The following STK39 variants were observed in gnomAD, a reference collection of about 807,000 sequenced individuals.
The protein encoded by STK39 is serine/threonine kinase 39, also known as STE20/SPS1-related proline-alanine-rich protein kinase.
A neutral mutation model predicts 77.8 loss-of-function variants in STK39; 20 were observed. The ratio of observed to expected loss-of-function variants is 0.26; its 90% CI spans 0.18 to 0.37. The LOEUF (loss-of-function observed/expected upper bound fraction) is 0.37, where lower values mean the gene tolerates loss of function less well. STK39 is among the 10% of genes least tolerant of loss of function. STK39 has a pLI of 1.00. For missense variants in STK39, 479 were observed against 656.5 expected, an observed-to-expected ratio of 0.73 and a Z score of 2.95; for synonymous variants, 246 against 234.1, an observed-to-expected ratio of 1.05 and a Z score of -0.47.
intron 14 of STK39, among the ~76,000 whole-genome samples, chr2:168,027,413 T>G (rs1684727067): frequency 6.6e-6 from 1 of 152,122 alleles, no homozygotes; most frequent in South Asian, 2.1e-4. Context: ...CGTGCAGAAA[T>G]ATGCCCCTGG....
intron 16 of STK39, among the ~76,000 whole-genome samples, chr2:168,000,277 T>C (rs1341096214): frequency 1.3e-5 from 2 of 152,202 alleles, no homozygotes; most frequent in East Asian, 3.8e-4. Context: ...AAGTTCATCA[T>C]GAAAAAAATA....
chr2:168,215,856 A>G (rs901284586), intron 1 of STK39, among the ~76,000 whole-genome samples: 2 of 152,168 alleles, frequency 1.3e-5, no homozygotes, highest in African/African-American at 4.8e-5. Flanking sequence ...ACCATGGACC[A>G]TGGTACTGGG....
At chr2:167,957,264 C>T (rs908438256) in intron 17 of STK39, among the ~76,000 whole-genome samples, 2 of 152,094 alleles carry the variant, frequency 1.3e-5, no homozygotes, top group Non-Finnish European at 2.9e-5. Context: ...TTACTTTGTA[C>T]CTATCCAGTG....
At chr2:168,197,448 A>G (rs1017773693) in intron 1 of STK39, among the ~76,000 whole-genome samples, 4 of 152,208 alleles carry the variant, frequency 2.6e-5, no homozygotes, top group African/African-American at 9.7e-5. Flanking sequence ...GGGCTGCCAC[A>G]TATTGTTCAA....
At chr2:167,996,227 A>T (rs1247281121) in intron 16 of STK39, among the ~76,000 whole-genome samples, 1 of 152,240 alleles carries the variant, frequency 6.6e-6, no homozygotes. Context: ...AAGAACATTT[A>T]AAAAATCCTA....
In STK39 at chr2:168,220,052, A is replaced by G. The variant is rs144913603; in HGVS notation, c.208+27176T>C. On this transcript the variant is annotated intron_variant, in intron 1 of 17. Transcript: ENST00000355999. ...GAGTATTTGAATAATGATGATAATC[A>G]AAGTTGTTCTTTAACAAATTTTAAT... 2.3e-4 allele frequency among the ~76,000 whole-genome samples: 35 copies of G among 152,286 alleles called. No individual in the cohort carries two copies. The East Asian group carries it at 5.0e-3, about 22-fold the overall frequency.
At chr2:168,235,241 T>A (rs986830191) in intron 1 of STK39, among the ~76,000 whole-genome samples, 87 of 152,038 alleles carry the variant, frequency 5.7e-4, no homozygotes, top group Non-Finnish European at 1.5e-5. Flanking sequence ...GGTTTCACCA[T>A]ATTGGCAAGG....
In STK39 at chr2:168,193,147, A is replaced by T. The variant is rs571351697; in HGVS notation, c.209-11057T>A. On this transcript the variant is annotated intron_variant, in intron 1 of 17. Transcript: ENST00000355999. ...TCACAGACACAGGAAAAGAAAATCC[A>T]TTCACTTTAATGCCACCTCTCCATC... Among the ~76,000 whole-genome samples the T allele has an allele frequency of 5.4e-4, 82 of 152,296 alleles. 1 individual carries two copies. The highest frequency in any genetic ancestry group is 1.7e-3 in the African/African-American group (72 of 41,568).
At chr2:168,031,029 GA>G (rs1166079351) in intron 14 of STK39, among the ~76,000 whole-genome samples, 1 of 152,098 alleles carries the variant, frequency 6.6e-6, no homozygotes, top group African/African-American at 2.4e-5. Flanking sequence ...CAAAAAGAAA[GA>G]AAAAATGCAT....
chr2:168,065,172 G>C (rs1685761789), intron 13 of STK39, 147 bp downstream of exon 13: 1 of 751,796 alleles, frequency 1.3e-6, no homozygotes, highest in Admixed American at 2.5e-5. Flanking sequence ...ACAAAGCACA[G>C]TCAATAGCAA....
intron 5 of STK39, among the ~76,000 whole-genome samples, chr2:168,156,929 C>CA (rs1449412224): frequency 1.3e-5 from 2 of 152,122 alleles, no homozygotes; most frequent in East Asian, 3.9e-4. Flanking sequence ...CCCTACAACA[C>CA]AAAAAATAAC....
In STK39 at chr2:168,068,057, C is replaced by T. The variant is rs151072588; in HGVS notation, c.1243-2676G>A. On this transcript the variant is annotated intron_variant, in intron 12 of 17. Coordinates refer to ENST00000355999, the MANE Select transcript of STK39 (RefSeq NM_013233.3). The stretch of plus-strand genomic sequence containing the variant: ...ACTGCCCTTTATAAAACCATCAGAT[C>T]TCATGAGACTTATACACTATTACGA... Among the ~76,000 whole-genome samples the T allele has an allele frequency of 8.7e-3, 1,322 of 152,236 alleles. 20 individuals carry two copies. Among genetic ancestry groups the T allele is most frequent in the African/African-American group, 0.03 (1,263 of 41,528 alleles).
At chr2:168,152,503 C>T (rs895906238) in intron 5 of STK39, among the ~76,000 whole-genome samples, 1 of 152,130 alleles carries the variant, frequency 6.6e-6, no homozygotes, top group African/African-American at 2.4e-5. Flanking sequence ...GCTCCTCAAC[C>T]GTCAAAAGGC....
At chr2:168,056,850 C>G (rs1270578576) in intron 14 of STK39, among the ~76,000 whole-genome samples, 1 of 152,138 alleles carries the variant, frequency 6.6e-6, no homozygotes, top group Non-Finnish European at 1.5e-5. Context: ...CCCTATCACA[C>G]AGGATGGTTT....
chr2:168,051,071 T>C (rs1442570848), intron 14 of STK39, among the ~76,000 whole-genome samples: 1 of 152,192 alleles, frequency 6.6e-6, no homozygotes, highest in Non-Finnish European at 1.5e-5. Flanking sequence ...AAGGAAGAAA[T>C]CTTACCACTC....
intron 10 of STK39, among the ~76,000 whole-genome samples, chr2:168,075,960 A>T (rs1032065954): frequency 2.0e-5 from 3 of 152,218 alleles, no homozygotes; most frequent in African/African-American, 7.2e-5. Flanking sequence ...TAGAGATGTA[A>T]TCCATAGGGC....
At chr2:168,136,512 A>C (rs185030143) in intron 8 of STK39, among the ~76,000 whole-genome samples, 6 of 152,224 alleles carry the variant, frequency 3.9e-5, no homozygotes, top group Admixed American at 3.9e-4. Context: ...TCTACCCTAC[A>C]GAACAATTTT....
At chr2:168,193,824 G>A (rs962373721) in intron 1 of STK39, among the ~76,000 whole-genome samples, 12 of 152,228 alleles carry the variant, frequency 7.9e-5, no homozygotes. Context: ...GCTCCCAGGT[G>A]ATGTGATGCT....
chr2:168,029,639 C>T (rs769690988), intron 14 of STK39, among the ~76,000 whole-genome samples: 2 of 152,166 alleles, frequency 1.3e-5, no homozygotes, highest in East Asian at 3.9e-4. Context: ...CGCCTATACA[C>T]ACTTCTTCCT....
Sources: allele counts gnomAD v4.1 joint callset (sites outside exome capture counted in the v4.1 genomes callset), GRCh38; gene constraint gnomAD v4.1.1; transcripts MANE v1.5; gene names NCBI Gene and HGNC (gene_info 2026-07-23, HGNC 2026-07-21).